The following TMEM132C variants were observed in gnomAD, a reference collection of about 807,000 sequenced individuals.
The protein encoded by TMEM132C is protein phosphatase 1, regulatory subunit 152.
TMEM132C carries 29 observed loss-of-function variants against 61.4 expected under a neutral mutation model. The ratio of observed to expected loss-of-function variants is 0.47; its 90% CI spans 0.35 to 0.64. The LOEUF (loss-of-function observed/expected upper bound fraction) is 0.64, where lower values mean the gene tolerates loss of function less well. Among genes scored for constraint, TMEM132C ranks in the 30% least tolerant of loss-of-function variants. The pLI is 0.00. For missense variants in TMEM132C, 1,408 were observed against 1,476.9 expected, an observed-to-expected ratio of 0.95 and a Z score of 0.76; for synonymous variants, 656 against 633.1, an observed-to-expected ratio of 1.04 and a Z score of -0.54.
At chr12:128,269,709 A>G (rs1287274120) in intron 1 of TMEM132C, among the ~76,000 whole-genome samples, 1 of 152,124 alleles carries the variant, frequency 6.6e-6, no homozygotes, top group Non-Finnish European at 1.5e-5. Flanking sequence ...TCTCATGATC[A>G]AAAGCAGCAG....
intron 5 of TMEM132C, among the ~76,000 whole-genome samples, chr12:128,672,223 G>A (rs1381312881): frequency 6.6e-6 from 1 of 152,028 alleles, no homozygotes; most frequent in Non-Finnish European, 1.5e-5. Flanking sequence ...GTGCTTCATA[G>A]CCATGTGTGG....
chr12:128,338,757 AAT>A (rs59699427), intron 1 of TMEM132C, among the ~76,000 whole-genome samples: 62,387 of 138,300 alleles, frequency 0.45, 14,425 homozygotes, highest in Middle Eastern at 0.54. Flanking sequence ...CTTCTGCAGA[AAT>A]ATATATATAT....
chr12:128,380,537 C>T (rs1203175485), intron 1 of TMEM132C, among the ~76,000 whole-genome samples: 1 of 152,232 alleles, frequency 6.6e-6, no homozygotes, highest in Admixed American at 6.5e-5. Flanking sequence ...GAAGTACAAT[C>T]CATTTTCATT....
intron 4 of TMEM132C, among the ~76,000 whole-genome samples, chr12:128,657,092 G>T (rs1028953839): frequency 2.0e-5 from 3 of 152,002 alleles, no homozygotes; most frequent in Non-Finnish European, 2.9e-5. Context: ...CCTCCCAAGA[G>T]AAAAAAATTG....
intron 3 of TMEM132C, among the ~76,000 whole-genome samples, chr12:128,615,330 T>C (rs1876764822): frequency 6.6e-6 from 1 of 152,182 alleles, no homozygotes; most frequent in African/African-American, 2.4e-5. Flanking sequence ...TTCAAGTACA[T>C]TACATTTATT....
At chr12:128,567,735 C>G (rs896747274) in intron 3 of TMEM132C, among the ~76,000 whole-genome samples, 6 of 152,156 alleles carry the variant, frequency 3.9e-5, no homozygotes, top group Non-Finnish European at 7.3e-5. Flanking sequence ...CGTCTCCACC[C>G]CACTGACCTT....
At chr12:128,687,201 CAAAAA>C (rs55934804) in intron 5 of TMEM132C, among the ~76,000 whole-genome samples, 1 of 114,466 alleles carries the variant, frequency 8.7e-6, no homozygotes, top group Non-Finnish European at 1.7e-5. Context: ...GACTCTGTCT[CAAAAA>C]AAAAAAAAAA....
At chr12:128,704,461 G>A (rs1010818350) in intron 8 of TMEM132C, among the ~76,000 whole-genome samples, 6 of 152,138 alleles carry the variant, frequency 3.9e-5, no homozygotes, top group Non-Finnish European at 7.4e-5. Context: ...CATCACTGCC[G>A]CCCAACTACA....
chr12:128,484,178 T>C (rs1871409415), intron 2 of TMEM132C, among the ~76,000 whole-genome samples: 1 of 152,236 alleles, frequency 6.6e-6, no homozygotes, highest in South Asian at 2.1e-4. Flanking sequence ...ATCACTGGTC[T>C]CAAGTAATTC....
intron 5 of TMEM132C, among the ~76,000 whole-genome samples, chr12:128,670,176 G>T (rs201963107): frequency 0.31 from 47,414 of 152,002 alleles, 7,797 homozygotes; most frequent in African/African-American, 0.43. Context: ...TGGGTGTGAT[G>T]GTGCACACCT....
At chr12:128,623,669 G>A (rs180691662) in intron 4 of TMEM132C, among the ~76,000 whole-genome samples, 2 of 151,900 alleles carry the variant, frequency 1.3e-5, no homozygotes, top group Admixed American at 1.3e-4. Flanking sequence ...TCAGCCGGGC[G>A]TGATGGCAGG....
intron 5 of TMEM132C, among the ~76,000 whole-genome samples, chr12:128,678,552 A>G (rs569885103): frequency 6.6e-6 from 1 of 152,220 alleles, no homozygotes; most frequent in African/African-American, 2.4e-5. Flanking sequence ...GTTTGAACGC[A>G]GTCATCCATC....
chr12:128,626,865 C>T (rs555117165), intron 4 of TMEM132C, among the ~76,000 whole-genome samples: 1 of 152,164 alleles, frequency 6.6e-6, no homozygotes, highest in Non-Finnish European at 1.5e-5. Context: ...GAGATGCCCA[C>T]GACCCACACA....
intron 1 of TMEM132C, among the ~76,000 whole-genome samples, chr12:128,373,723 G>A (rs1158507620): frequency 1.3e-5 from 2 of 152,332 alleles, no homozygotes; most frequent in East Asian, 3.9e-4. Flanking sequence ...GGGGGATGGG[G>A]AAGGAGGTAG....
At chr12:128,653,029 G>A (rs1954288180) in intron 4 of TMEM132C, among the ~76,000 whole-genome samples, 1 of 152,140 alleles carries the variant, frequency 6.6e-6, no homozygotes, top group Non-Finnish European at 1.5e-5. Context: ...CAACCCAAAT[G>A]TCCATCAATT....
At chr12:128,668,627 C>A (rs1223342812) in intron 4 of TMEM132C, among the ~76,000 whole-genome samples, 2 of 152,160 alleles carry the variant, frequency 1.3e-5, no homozygotes, top group East Asian at 3.9e-4. Context: ...GCTGCGATGA[C>A]AAATTAACAC....
chr12:128,650,603 C>T (rs1039232485), intron 4 of TMEM132C, among the ~76,000 whole-genome samples: 1 of 152,020 alleles, frequency 6.6e-6, no homozygotes, highest in African/African-American at 2.4e-5. Context: ...ATAGTGCATG[C>T]CTGCAGTCCC....
At chr12:128,534,721 C>G (rs369697669) in intron 2 of TMEM132C, among the ~76,000 whole-genome samples, 3 of 152,224 alleles carry the variant, frequency 2.0e-5, no homozygotes, top group Admixed American at 6.5e-5. Flanking sequence ...CCTGCAACAA[C>G]TAGTTCCTTG....
intron 1 of TMEM132C, among the ~76,000 whole-genome samples, chr12:128,285,450 G>C (rs1435486625): frequency 6.6e-6 from 1 of 152,050 alleles, no homozygotes; most frequent in Non-Finnish European, 1.5e-5. Context: ...AAAGATTAAA[G>C]AGCTTAATGT....
Sources: allele counts gnomAD v4.1 joint callset (sites outside exome capture counted in the v4.1 genomes callset), GRCh38; gene constraint gnomAD v4.1.1; transcripts MANE v1.5; gene names NCBI Gene and HGNC (gene_info 2026-07-23, HGNC 2026-07-21).